Variants in SGCD observed in about 807,000 individuals in gnomAD.
The protein encoded by SGCD is sarcoglycan delta, also known as delta-sarcoglycan.
In SGCD, 18 loss-of-function variants were observed where a neutral mutation model predicts 36.6. The ratio of observed to expected loss-of-function variants is 0.49; its 90% CI spans 0.34 to 0.73. The LOEUF (loss-of-function observed/expected upper bound fraction) is 0.73, where lower values mean the gene tolerates loss of function less well. Among genes scored for constraint, SGCD ranks in the 30% least tolerant of loss-of-function variants. SGCD has a pLI of 0.01. For missense variants in SGCD, 387 were observed against 346.7 expected, an observed-to-expected ratio of 1.12 and a Z score of -0.92; for synonymous variants, 133 against 130.6, an observed-to-expected ratio of 1.02 and a Z score of -0.12.
At chr5:156,734,972 T>C (rs898714543) in intron 7 of SGCD, among the ~76,000 whole-genome samples, 4 of 152,210 alleles carry the variant, frequency 2.6e-5, no homozygotes, top group Non-Finnish European at 5.9e-5. Flanking sequence ...CTCATTTTGG[T>C]AGGCTTATCT....
chr5:155,962,223 T>G (rs951525205), intron 1 of SGCD, among the ~76,000 whole-genome samples: 4 of 152,086 alleles, frequency 2.6e-5, no homozygotes, highest in African/African-American at 7.2e-5. Context: ...TTTTACTCAC[T>G]ATAAGCCTAT....
chr5:156,009,051 A>ATCTT (rs1369527337), intron 1 of SGCD, among the ~76,000 whole-genome samples: 16 of 152,100 alleles, frequency 1.1e-4, no homozygotes, highest in African/African-American at 3.6e-4. Context: ...TGGTTATTTG[A>ATCTT]TCTTTGGCCA....
At chr5:155,843,134 G>T in the SGCD span, among the ~76,000 whole-genome samples, 1 of 152,184 alleles carries the variant, frequency 6.6e-6, no homozygotes, top group Admixed American at 6.5e-5. Flanking sequence ...TATCTTACGT[G>T]AGGATTATGT....
chr5:156,339,623 T>A (rs1409090190), intron 2 of SGCD, among the ~76,000 whole-genome samples: 1 of 151,872 alleles, frequency 6.6e-6, no homozygotes, highest in African/African-American at 2.4e-5. Context: ...AATGTTTGGG[T>A]TTCACAGTGC....
chr5:156,413,497 G>A (rs1772876781), intron 3 of SGCD, among the ~76,000 whole-genome samples: 1 of 152,204 alleles, frequency 6.6e-6, no homozygotes, highest in Admixed American at 6.5e-5. Flanking sequence ...TGAACTTTGA[G>A]ATAGGATCGC....
intron 3 of SGCD, among the ~76,000 whole-genome samples, chr5:156,456,983 T>C (rs996110822): frequency 6.6e-6 from 1 of 152,250 alleles, no homozygotes; most frequent in African/African-American, 2.4e-5. Flanking sequence ...TCAGTGAACA[T>C]GGCTTGATTG....
chr5:155,978,068 T>G (rs1177822213), intron 1 of SGCD, among the ~76,000 whole-genome samples: 1 of 151,782 alleles, frequency 6.6e-6, no homozygotes, highest in East Asian at 1.9e-4. Context: ...CACTCCAGCC[T>G]GGAGACAGAG....
chr5:156,540,846 C>T (rs950721562), intron 4 of SGCD, among the ~76,000 whole-genome samples: 1 of 152,106 alleles, frequency 6.6e-6, no homozygotes, highest in African/African-American at 2.4e-5. Flanking sequence ...TTGGGCATCC[C>T]CTGAGTGCTG....
At chr5:156,612,717 T>C (rs940828549) in intron 6 of SGCD, among the ~76,000 whole-genome samples, 1 of 152,148 alleles carries the variant, frequency 6.6e-6, no homozygotes, top group African/African-American at 2.4e-5. Flanking sequence ...ATGATGGCAG[T>C]GTGTCAGAAA....
At chr5:156,448,823 A>C (rs1350328734) in intron 3 of SGCD, among the ~76,000 whole-genome samples, 4 of 131,560 alleles carry the variant, frequency 3.0e-5, no homozygotes, top group African/African-American at 1.2e-4. Context: ...GTGTTGGCTC[A>C]CTGCAACCTC....
At chr5:155,804,573 T>C in the SGCD span, among the ~76,000 whole-genome samples, 1 of 152,194 alleles carries the variant, frequency 6.6e-6, no homozygotes, top group Non-Finnish European at 1.5e-5. Context: ...TCATTCAGGA[T>C]AGACTCAGGT....
At chr5:156,646,330 C>A (rs888249264) in intron 6 of SGCD, among the ~76,000 whole-genome samples, 11 of 152,182 alleles carry the variant, frequency 7.2e-5, no homozygotes, top group African/African-American at 2.7e-4. Flanking sequence ...CAGTGGGCAC[C>A]AGCTTAGCCT....
chr5:156,415,498 G>A (rs753794378), intron 3 of SGCD, among the ~76,000 whole-genome samples: 3 of 152,160 alleles, frequency 2.0e-5, no homozygotes, highest in Admixed American at 6.5e-5. Context: ...TGACCCTGAG[G>A]CTCTCTGATT....
At chr5:156,398,443 T>G (rs1771975977) in intron 3 of SGCD, among the ~76,000 whole-genome samples, 1 of 152,190 alleles carries the variant, frequency 6.6e-6, no homozygotes, top group Non-Finnish European at 1.5e-5. Flanking sequence ...TCTAGTATTT[T>G]ATTACTAAGA....
chr5:156,531,148 G>A (rs1477767949), intron 4 of SGCD, among the ~76,000 whole-genome samples: 4 of 152,126 alleles, frequency 2.6e-5, no homozygotes, highest in Non-Finnish European at 4.4e-5. Context: ...GGCATTTTTA[G>A]CCTCTCCTGT....
rs531369829 is a variant in SGCD at position 155,871,010 on chromosome 5, G to A, written c.-282+586G>A. Among the ~76,000 whole-genome samples the A allele has an allele frequency of 1.1e-4, 16 of 152,154 alleles. No homozygotes were observed. In the South Asian group the frequency reaches 3.3e-3, roughly 32 times the overall value. On this transcript the variant is annotated intron_variant, in intron 1 of 9. Coordinates refer to the SGCD transcript ENST00000517913. ...ATATTCTTAGCAGGGAATAAAGGTG[G>A]GGGTGATGAGTGTATCATATGATTG...
chr5:156,753,882 G>A (rs1757243959), intron 7 of SGCD, among the ~76,000 whole-genome samples: 1 of 152,116 alleles, frequency 6.6e-6, no homozygotes, highest in Admixed American at 6.5e-5. Context: ...GTGGGACACA[G>A]CCAAACCATA....
chr5:156,594,446 C>T (rs893859073), intron 5 of SGCD, among the ~76,000 whole-genome samples: 4 of 152,152 alleles, frequency 2.6e-5, no homozygotes, highest in Non-Finnish European at 5.9e-5. Context: ...ATAAATTTCT[C>T]TTGGTGTCAA....
intron 1 of SGCD, among the ~76,000 whole-genome samples, chr5:156,115,661 A>G (rs1761890869): frequency 6.6e-6 from 1 of 152,022 alleles, no homozygotes; most frequent in Admixed American, 6.6e-5. Context: ...GATCCAAGTG[A>G]GTTTCATCCA....
Sources: allele counts gnomAD v4.1 joint callset (sites outside exome capture counted in the v4.1 genomes callset), GRCh38; gene constraint gnomAD v4.1.1; transcripts MANE v1.5; gene names NCBI Gene and HGNC (gene_info 2026-07-23, HGNC 2026-07-21).